Variants in SGCD observed in about 807,000 individuals in gnomAD.
SGCD encodes delta-sarcoglycan.
Under a neutral mutation model 36.6 loss-of-function variants are expected in SGCD, and 18 were observed. That is an observed-to-expected ratio of 0.49 (90% CI 0.34 to 0.73). SGCD has a LOEUF of 0.73. Among genes scored for constraint, SGCD ranks in the 30% least tolerant of loss-of-function variants. The pLI is 0.01. For synonymous variants in SGCD, 133 were observed against 130.6 expected, an observed-to-expected ratio of 1.02 and a Z score of -0.12; for missense variants, 387 against 346.7, an observed-to-expected ratio of 1.12 and a Z score of -0.92.
chr5:156,736,677 C>T (rs1756384700), intron 7 of SGCD, among the ~76,000 whole-genome samples: 2 of 152,148 alleles, frequency 1.3e-5, no homozygotes, highest in South Asian at 4.1e-4. Flanking sequence ...CAAGTCATTC[C>T]ACCTTACTGA....
At chr5:156,266,244 G>A (rs527849300) in intron 3 of SGCD, among the ~76,000 whole-genome samples, 9 of 152,272 alleles carry the variant, frequency 5.9e-5, no homozygotes, top group South Asian at 4.1e-4. Context: ...TGTGGCTTAC[G>A]CCAAAAATGT....
At chr5:156,518,861 A>G (rs1757290814) in intron 4 of SGCD, among the ~76,000 whole-genome samples, 1 of 152,220 alleles carries the variant, frequency 6.6e-6, no homozygotes, top group Non-Finnish European at 1.5e-5. Flanking sequence ...CAGTGTTAAG[A>G]GGGAAATTTA....
chr5:156,458,457 C>G lies in SGCD; in HGVS notation c.193-50144C>G, dbSNP rs1396631260. The G allele has an allele frequency of 5.0e-6, 8 of 1,610,250 alleles. No individual in the cohort carries two copies. The Admixed American group carries it at 6.7e-5, about 13-fold the overall frequency. On this transcript the variant is annotated intron_variant, in intron 3 of 8. Transcript: ENST00000337851. ...AGGGTCAAACCCTGATTCCCATCCC[C>G]ATGGCAGCTCATCCCCAACACAGTC...
At chr5:156,151,445 A>G (rs1762833076) in intron 3 of SGCD, among the ~76,000 whole-genome samples, 2 of 151,742 alleles carry the variant, frequency 1.3e-5, no homozygotes, top group Admixed American at 6.6e-5. Context: ...TTTTCTTTAG[A>G]AATGTGTAGT....
chr5:156,483,872 G>A (rs1755546158), intron 3 of SGCD, among the ~76,000 whole-genome samples: 1 of 152,204 alleles, frequency 6.6e-6, no homozygotes, highest in Non-Finnish European at 1.5e-5. Flanking sequence ...CAGAGCAAGT[G>A]CACTGAGCTA....
At chr5:156,485,814 A>G (rs959320598) in intron 3 of SGCD, among the ~76,000 whole-genome samples, 2 of 152,126 alleles carry the variant, frequency 1.3e-5, no homozygotes, top group African/African-American at 4.8e-5. Context: ...GCTCTGAGGC[A>G]GGGAAGGAGA....
At chr5:156,020,726 A>G (rs989543939) in intron 1 of SGCD, among the ~76,000 whole-genome samples, 2 of 152,204 alleles carry the variant, frequency 1.3e-5, no homozygotes, top group Admixed American at 6.5e-5. Flanking sequence ...TATTATTACC[A>G]TCATCATCGC....
intron 1 of SGCD, among the ~76,000 whole-genome samples, chr5:156,049,883 G>T (rs1759871994): frequency 6.8e-6 from 1 of 146,524 alleles, no homozygotes; most frequent in Non-Finnish European, 1.5e-5. Context: ...ACTGGAATTA[G>T]AAGTAGAGCC....
At chr5:156,566,187 G>A (rs1211894359) in intron 4 of SGCD, among the ~76,000 whole-genome samples, 1 of 152,160 alleles carries the variant, frequency 6.6e-6, no homozygotes, top group Non-Finnish European at 1.5e-5. Context: ...ATTAAAGCAG[G>A]TGCTGGAGAG....
At chr5:155,746,530 G>T in the SGCD span, among the ~76,000 whole-genome samples, 1 of 152,150 alleles carries the variant, frequency 6.6e-6, no homozygotes, top group South Asian at 2.1e-4. Context: ...TTAGCCAATA[G>T]CCTTGAGAGT....
chr5:156,449,327 C>T (rs186051475), intron 3 of SGCD, among the ~76,000 whole-genome samples: 21 of 152,190 alleles, frequency 1.4e-4, no homozygotes, highest in African/African-American at 5.1e-4. Flanking sequence ...GTTTGTTGCA[C>T]ACTAGACCAT....
At chr5:156,518,246 A>G (rs1757263737) in intron 4 of SGCD, among the ~76,000 whole-genome samples, 1 of 152,230 alleles carries the variant, frequency 6.6e-6, no homozygotes, top group East Asian at 1.9e-4. Flanking sequence ...GATGAAGGGC[A>G]TTACATAATG....
chr5:155,951,237 A>C (rs1581008342), intron 1 of SGCD, among the ~76,000 whole-genome samples: 1 of 152,206 alleles, frequency 6.6e-6, no homozygotes, highest in Non-Finnish European at 1.5e-5. Flanking sequence ...ATACAGGATC[A>C]TTATAGCTGC....
chr5:156,523,873 G>T (rs1223779205), intron 4 of SGCD, among the ~76,000 whole-genome samples: 1 of 151,418 alleles, frequency 6.6e-6, no homozygotes, highest in Non-Finnish European at 1.5e-5. Flanking sequence ...CTGGTTTATG[G>T]TGTTATGAAT....
At chr5:155,792,247 ATTAAC>A in the SGCD span, among the ~76,000 whole-genome samples, 40 of 152,262 alleles carry the variant, frequency 2.6e-4, no homozygotes, top group African/African-American at 9.1e-4. Context: ...ATATATAAAA[ATTAAC>A]TTAAGATGGA....
Position 156,647,411 on chromosome 5 carries a change from A to G in SGCD, c.503-53A>G, listed in dbSNP as rs527714222. The G allele has an allele frequency of 1.9e-5, 24 of 1,248,662 alleles. No individual in the cohort carries two copies. The South Asian group carries it at 3.0e-4, about 15-fold the overall frequency. The allele number at this position is 1,248,662 out of a possible 1,614,324, so 77.3% of individuals were successfully genotyped here. On this transcript the variant is annotated intron_variant, in intron 6 of 8. Transcript: ENST00000337851. ...TCCAATCAGTGTGCTGATTGTGCCT[A>G]CAGGTGACTCCAGTATCTCCAATCT...
At chr5:155,780,812 T>G in the SGCD span, among the ~76,000 whole-genome samples, 1 of 152,176 alleles carries the variant, frequency 6.6e-6, no homozygotes. Flanking sequence ...TGACCTCTCA[T>G]TTGATGGGAA....
chr5:155,952,424 T>C (rs1454581065), intron 1 of SGCD, among the ~76,000 whole-genome samples: 1 of 152,176 alleles, frequency 6.6e-6, no homozygotes, highest in Non-Finnish European at 1.5e-5. Flanking sequence ...GGTGTTCCTA[T>C]TCCTGTCTTT....
intron 1 of SGCD, among the ~76,000 whole-genome samples, chr5:156,072,120 G>T (rs1027051343): frequency 1.8e-4 from 28 of 152,048 alleles, no homozygotes; most frequent in African/African-American, 6.3e-4. Flanking sequence ...GGAGCATTTA[G>T]TCCATTTACA....
Sources: allele counts gnomAD v4.1 joint callset (sites outside exome capture counted in the v4.1 genomes callset), GRCh38; gene constraint gnomAD v4.1.1; transcripts MANE v1.5; gene names NCBI Gene and HGNC (gene_info 2026-07-23, HGNC 2026-07-21).